ARMC9: variants seen among roughly 807,000 people sequenced by gnomAD.
The protein encoded by ARMC9 is lisH domain-containing protein ARMC9.
Under a neutral mutation model 107.0 loss-of-function variants are expected in ARMC9, and 94 were observed. That is an observed-to-expected ratio of 0.88 (90% CI 0.74 to 1.04). The LOEUF (loss-of-function observed/expected upper bound fraction) is 1.04. Among genes scored for constraint, ARMC9 ranks in the 50% least tolerant of loss-of-function variants. The probability of loss-of-function intolerance (pLI) is 0.00; values close to 1 mark genes in which losing one functional copy is unlikely to be tolerated. For missense variants in ARMC9, 942 were observed against 1,030.1 expected, an observed-to-expected ratio of 0.91 and a Z score of 1.17; for synonymous variants, 380 against 396.9, an observed-to-expected ratio of 0.96 and a Z score of 0.51.
Position 231,371,715 on chromosome 2 carries a change from G to C in ARMC9, c.*180G>C. The C allele has an allele frequency of 3.5e-6, 2 of 572,356 alleles. No homozygotes were observed. The highest frequency in any genetic ancestry group is 5.2e-6 in the Non-Finnish European group (2 of 385,950). The allele number at this position is 572,356 out of a possible 1,614,324, so 35.5% of individuals were successfully genotyped here. The stretch of plus-strand genomic sequence containing the variant: ...AGGCCATCGCAGCCCCGCCAGCCGG[G>C]TCACTTTCTCCCAGGGCAGAGCCAC... On this transcript the variant is annotated 3_prime_UTR_variant, in exon 25 of 25. Transcript: ENST00000611582.
intron 11 of ARMC9, among the ~76,000 whole-genome samples, chr2:231,259,700 T>G (rs1305465926): frequency 6.6e-6 from 1 of 152,032 alleles, no homozygotes; most frequent in African/African-American, 2.4e-5. Context: ...AAATTAAAAC[T>G]GAGAGGATTT....
chr2:231,269,386 T>A (rs1178516035), intron 12 of ARMC9, among the ~76,000 whole-genome samples: 4 of 150,422 alleles, frequency 2.7e-5, no homozygotes, highest in Non-Finnish European at 5.9e-5. Context: ...TTAGGAGATT[T>A]CTTTTCTTCT....
intron 19 of ARMC9, among the ~76,000 whole-genome samples, chr2:231,313,363 G>C (rs2042463842): frequency 6.6e-6 from 1 of 152,128 alleles, no homozygotes; most frequent in Admixed American, 6.5e-5. Flanking sequence ...TTAATATAAA[G>C]TACTTCTCTT....
At chr2:231,261,665 A>G (rs55775943) in intron 11 of ARMC9, among the ~76,000 whole-genome samples, 23,975 of 152,102 alleles carry the variant, frequency 0.16, 4,163 homozygotes, top group African/African-American at 0.43. Flanking sequence ...TCCTGCAGGG[A>G]CCAGCTCCTG....
chr2:231,253,249 G>C (rs1239961067), intron 9 of ARMC9, among the ~76,000 whole-genome samples: 1 of 152,144 alleles, frequency 6.6e-6, no homozygotes, highest in African/African-American at 2.4e-5. Flanking sequence ...GAGTAGCTGG[G>C]ACTACAGGTT....
At chr2:231,205,690 G>T (rs2031872756) in intron 1 of ARMC9, among the ~76,000 whole-genome samples, 2 of 152,218 alleles carry the variant, frequency 1.3e-5, no homozygotes, top group Non-Finnish European at 2.9e-5. Flanking sequence ...AAGCAACAAA[G>T]ATTTAATATC....
chr2:231,201,419 G>A (rs1212779278), intron 1 of ARMC9, among the ~76,000 whole-genome samples: 2 of 152,164 alleles, frequency 1.3e-5, no homozygotes, highest in East Asian at 3.8e-4. Context: ...TTCACTTTTG[G>A]GGGTTTCCAC....
At chr2:231,363,620 C>T (rs2045681985) in intron 23 of ARMC9, among the ~76,000 whole-genome samples, 1 of 152,172 alleles carries the variant, frequency 6.6e-6, no homozygotes, top group South Asian at 2.1e-4. Flanking sequence ...GGCGCAGTGG[C>T]TCACGCCTGT....
At chr2:231,317,383 C>A (rs1435530855) in intron 19 of ARMC9, among the ~76,000 whole-genome samples, 1 of 152,184 alleles carries the variant, frequency 6.6e-6, no homozygotes, top group Non-Finnish European at 1.5e-5. Flanking sequence ...GCTGGCCAGA[C>A]TGGTCTCGAA....
At chr2:231,370,759 A>G (rs1052319836) in intron 24 of ARMC9, 1 of 218,206 alleles carries the variant, frequency 4.6e-6, no homozygotes, top group African/African-American at 2.3e-5. Flanking sequence ...GCCTCTGCCA[A>G]TTGATAGCCC....
chr2:231,361,712 C>T (rs1037850703), intron 23 of ARMC9, among the ~76,000 whole-genome samples: 1 of 152,112 alleles, frequency 6.6e-6, no homozygotes, highest in Non-Finnish European at 1.5e-5. Context: ...GCCAGCTGCC[C>T]CTCACCACTT....
In ARMC9 at chr2:231,235,235, C is replaced by T. The variant is rs1334722101; in HGVS notation, c.634C>T (p.Gln212Ter). The T allele has an allele frequency of 1.2e-6, 2 of 1,610,476 alleles. No homozygotes were observed. Among genetic ancestry groups the T allele is most frequent in the South Asian group, 2.2e-5 (2 of 89,816 alleles). ...AACTGTCTTCCTAGAAATCTTGCAGCAGCTCCACCAGCAGCTGGTTGAAGC... is the reference window on the plus strand; with the variant it reads ...AACTGTCTTCCTAGAAATCTTGCAGTAGCTCCACCAGCAGCTGGTTGAAGC... ...NGQSNKEILQ[Q>*]LHQQLVEAER... Residue 212 changes from glutamine to a stop codon, truncating the protein, a stop_gained, in exon 8 of 25, where the codon CAG (glutamine) becomes TAG (stop). Coordinates refer to ENST00000611582, the MANE Select transcript of ARMC9 (RefSeq NM_001352754.2). LOFTEE classifies it high-confidence loss of function.
intron 21 of ARMC9, 73 bp from the exon 22 acceptor site, chr2:231,355,725 C>A: frequency 1.4e-6 from 2 of 1,442,742 alleles, no homozygotes; most frequent in Admixed American, 2.2e-5. Context: ...ATTTGTGATG[C>A]TGCAGTCGGC....
chr2:231,332,321 G>GGA (rs3042576), intron 20 of ARMC9, among the ~76,000 whole-genome samples: 50,164 of 151,910 alleles, frequency 0.33, 8,402 homozygotes, highest in Middle Eastern at 0.38. Context: ...AGCACAGTGT[G>GGA]GAGAGAGAGT....
intron 13 of ARMC9, 113 bp downstream of exon 13, chr2:231,271,185 T>C (rs2125432618): frequency 1.0e-6 from 1 of 1,004,406 alleles, no homozygotes; most frequent in Non-Finnish European, 1.5e-6. Flanking sequence ...CCTCAGTTTG[T>C]TACCGTTTAA....
At chr2:231,331,039 GGCT>G (rs764964884) in intron 19 of ARMC9, among the ~76,000 whole-genome samples, 1 of 152,164 alleles carries the variant, frequency 6.6e-6, no homozygotes, top group Non-Finnish European at 1.5e-5. Context: ...CTACTTGGGA[GGCT>G]GAGAAGGGAG....
intron 17 of ARMC9, among the ~76,000 whole-genome samples, chr2:231,289,285 G>A (rs1221463392): frequency 6.6e-6 from 1 of 152,100 alleles, no homozygotes; most frequent in Non-Finnish European, 1.5e-5. Flanking sequence ...TGGGTGACAT[G>A]GTGAAACCCC....
chr2:231,362,673 C>T lies in ARMC9; in HGVS notation c.2261+1790C>T, dbSNP rs1286118988. 1 of 152,826 alleles carries T rather than the reference C, an allele frequency of 6.5e-6. No homozygotes were observed. Among genetic ancestry groups the T allele is most frequent in the Admixed American group, 6.6e-5 (1 of 15,132 alleles). The allele number at this position is 152,826 out of a possible 1,614,324, so 9.5% of individuals were successfully genotyped here. On this transcript the variant is annotated intron_variant, in intron 23 of 24. Transcript: ENST00000611582. This position sits in a 1 kb window ranked among gnomAD's most constrained non-coding sequence, Gnocchi z 4.7. ...AAGGAGGGAGAAGTACAAGTTGTTC[C>T]ATCTTCCTCTTCCTCCCTCACTGGC...
At chr2:231,231,004 C>T (rs2035162640) in intron 7 of ARMC9, among the ~76,000 whole-genome samples, 1 of 152,222 alleles carries the variant, frequency 6.6e-6, no homozygotes, top group African/African-American at 2.4e-5. Flanking sequence ...GCAGTTAGGC[C>T]TTTTATCCCG....
Sources: gnomAD v4.1 joint callset for allele counts (sites outside exome capture counted in the v4.1 genomes callset) on GRCh38, gnomAD v4.1.1 for gene constraint, Gnocchi (gnomAD v3.1) non-coding constraint, MANE v1.5 for transcripts, NCBI Gene and HGNC (gene_info 2026-07-23, HGNC 2026-07-21) for gene names.